Variants in RYR2 observed in about 807,000 individuals in gnomAD.
RYR2 encodes the protein cardiac muscle ryanodine receptor-calcium release channel.
A neutral mutation model predicts 601.1 loss-of-function variants in RYR2; 227 were observed. That is an observed-to-expected ratio of 0.38 (90% CI 0.34 to 0.42). The LOEUF is 0.42. Ranked by LOEUF, RYR2 falls within the 10% of genes least tolerant of loss-of-function variation. RYR2 has a pLI of 1.00. For missense variants in RYR2, 4,646 were observed against 6,156.5 expected (o/e 0.75, Z 8.21); for synonymous variants, 2,223 against 2,175.1 (o/e 1.02, Z -0.61).
chr1:237,577,738 C>G (rs536532597), intron 29 of RYR2, among the ~76,000 whole-genome samples: 1 of 152,224 alleles, frequency 6.6e-6, no homozygotes, highest in South Asian at 2.1e-4. Context: ...TAAATAAAAA[C>G]AGGTGATGAT....
At position 237,736,421 on chromosome 1, in the gene RYR2, C is replaced by G. The variant is rs114227870; in HGVS notation, c.11091+2665C>G. On this transcript the variant is annotated intron_variant, in intron 79 of 104. Transcript: ENST00000366574. ...AAGTTGCAGTGAGCCGTGATTGCAC[C>G]ACTGCACTCCAGGCTGGGCGATGGA... 6.3e-3 allele frequency among the ~76,000 whole-genome samples: 930 copies of G among 147,640 alleles called. 12 individuals carry two copies. Among genetic ancestry groups the G allele is most frequent in the African/African-American group, 0.022 (882 of 40,192 alleles).
chr1:237,232,901 C>G lies in RYR2; in HGVS notation c.49-37596C>G, dbSNP rs12081783. ...TGTGGTATCAGAGCAGAGGGAAAAT[C>G]AAGTTTGAGTTTTTCCTCACTCAAG... is the stretch of plus-strand genomic sequence containing the variant. On this transcript the variant is annotated intron_variant, in intron 1 of 104. Transcript: ENST00000366574. 6.5e-3 allele frequency among the ~76,000 whole-genome samples: 996 copies of G among 152,228 alleles called. 12 individuals are homozygous for G. Among genetic ancestry groups the G allele is most frequent in the African/African-American group, 0.021 (871 of 41,522 alleles).
rs544681932 is a variant in RYR2, at chr1:237,717,930, T to A, written c.10495-532T>A. On this transcript the variant is annotated intron_variant, in intron 72 of 104. Transcript: ENST00000366574. The stretch of plus-strand genomic sequence containing the variant: ...TTATATTTATGTAAATTGGAGGACA[T>A]ATTCTCCATTCCACATTGAATCACT... 3.3e-5 allele frequency among the ~76,000 whole-genome samples: 5 copies of A among 152,316 alleles called. No individual in the cohort carries two copies. In the East Asian group the frequency reaches 9.6e-4, roughly 29 times the overall value.
intron 3 of RYR2, among the ~76,000 whole-genome samples, chr1:237,354,854 T>G (rs1300224227): frequency 1.3e-5 from 2 of 152,078 alleles, no homozygotes; most frequent in Non-Finnish European, 2.9e-5. Context: ...ACTAAGTAAA[T>G]TACAAAAGAA....
chr1:237,246,365 A>G (rs1461345905), intron 1 of RYR2, among the ~76,000 whole-genome samples: 4 of 150,520 alleles, frequency 2.7e-5, no homozygotes, highest in Non-Finnish European at 4.4e-5. Flanking sequence ...CAAAGTGCTG[A>G]GATTACAGGC....
chr1:237,659,627 GCCT>G (rs1451406122), intron 54 of RYR2, among the ~76,000 whole-genome samples: 1 of 152,106 alleles, frequency 6.6e-6, no homozygotes, highest in Non-Finnish European at 1.5e-5. Flanking sequence ...CATCCCTCTA[GCCT>G]CCTCCTGTGG....
At chr1:237,463,611 C>T (rs781710108) in intron 16 of RYR2, among the ~76,000 whole-genome samples, 1 of 152,062 alleles carries the variant, frequency 6.6e-6, no homozygotes, top group Non-Finnish European at 1.5e-5. Flanking sequence ...GAGGCCAAGG[C>T]AGTGGGATCA....
intron 2 of RYR2, among the ~76,000 whole-genome samples, chr1:237,302,609 T>C (rs1380587153): frequency 6.6e-6 from 1 of 152,214 alleles, no homozygotes; most frequent in Non-Finnish European, 1.5e-5. Flanking sequence ...ACCTTCATTT[T>C]AGGTTGGCTC....
intron 84 of RYR2, among the ~76,000 whole-genome samples, chr1:237,764,475 G>A (rs1573857586): frequency 7.1e-6 from 1 of 139,890 alleles, no homozygotes; most frequent in East Asian, 2.2e-4. Flanking sequence ...TTGAGATGGA[G>A]TGTCGCTCTG....
chr1:237,053,033 G>C (rs1247881884), intron 1 of RYR2, among the ~76,000 whole-genome samples: 1 of 152,106 alleles, frequency 6.6e-6, no homozygotes, highest in African/African-American at 2.4e-5. Flanking sequence ...ATTTTTAGTA[G>C]AGATGGGGTT....
chr1:237,638,299 A>G, intron 44 of RYR2, 58 bp from the exon 45 acceptor site: 1 of 1,607,150 alleles, frequency 6.2e-7, no homozygotes, highest in Non-Finnish European at 8.5e-7. Context: ...TATCCAATGT[A>G]AGCATCTAAT....
chr1:237,100,036 G>C (rs1667913059), intron 1 of RYR2, among the ~76,000 whole-genome samples: 1 of 152,156 alleles, frequency 6.6e-6, no homozygotes, highest in South Asian at 2.1e-4. Context: ...GCTCCCTCCT[G>C]CCTTCCAGGA....
intron 1 of RYR2, among the ~76,000 whole-genome samples, chr1:237,240,549 C>T (rs975737041): frequency 3.3e-5 from 5 of 149,504 alleles, no homozygotes; most frequent in Admixed American, 1.4e-4. Context: ...ATAAAATGAG[C>T]GTGTTCTACT....
At chr1:237,768,054 G>A (rs1403982358) in intron 84 of RYR2, among the ~76,000 whole-genome samples, 1 of 152,078 alleles carries the variant, frequency 6.6e-6, no homozygotes, top group Non-Finnish European at 1.5e-5. Context: ...ACCAATTGTA[G>A]GTAGAATAGT....
At chr1:237,260,430 C>G (rs569026247) in intron 1 of RYR2, among the ~76,000 whole-genome samples, 163 of 152,280 alleles carry the variant, frequency 1.1e-3, no homozygotes, top group African/African-American at 3.8e-3. Flanking sequence ...GAAGGTGATT[C>G]AAATGTAGGA....
chr1:237,277,140 T>C (rs1690369609), intron 2 of RYR2, among the ~76,000 whole-genome samples: 1 of 152,224 alleles, frequency 6.6e-6, no homozygotes. Flanking sequence ...TAATTCTTCA[T>C]ATTAGGAAAG....
At chr1:237,785,209 C>T (rs147854801) in intron 90 of RYR2, among the ~76,000 whole-genome samples, 2 of 152,288 alleles carry the variant, frequency 1.3e-5, no homozygotes, top group African/African-American at 4.8e-5. Context: ...CTGTAGCCTA[C>T]ATCTTTCTCC....
chr1:237,475,309 A>G (rs1405392797), intron 17 of RYR2, among the ~76,000 whole-genome samples: 1 of 152,170 alleles, frequency 6.6e-6, no homozygotes, highest in Non-Finnish European at 1.5e-5. Context: ...ATGTATAGTT[A>G]TATTGATGGG....
intron 1 of RYR2, among the ~76,000 whole-genome samples, chr1:237,117,725 CT>C (rs1670280957): frequency 7.2e-6 from 1 of 139,646 alleles, no homozygotes; most frequent in African/African-American, 2.7e-5. Flanking sequence ...CTCTTCTCTT[CT>C]CTTCTCTTCT....
Sources: allele counts gnomAD v4.1 joint callset (sites outside exome capture counted in the v4.1 genomes callset), GRCh38; gene constraint gnomAD v4.1.1; transcripts MANE v1.5; gene names NCBI Gene and HGNC (gene_info 2026-07-23, HGNC 2026-07-21).